Variants in FRMD4A observed in about 807,000 individuals in gnomAD.
The protein encoded by FRMD4A is FERM domain containing 4A.
FRMD4A carries 29 observed loss-of-function variants against 129.1 expected under a neutral mutation model. The observed-to-expected ratio is 0.22, with a 90% CI of 0.17 to 0.31. The LOEUF (loss-of-function observed/expected upper bound fraction) is 0.31. FRMD4A is among the 10% of genes least tolerant of loss of function. The pLI, the probability that FRMD4A is intolerant of heterozygous loss-of-function variation, is 1.00. For synonymous variants in FRMD4A, 634 were observed against 571.6 expected (o/e 1.11, Z -1.56); for missense variants, 1,272 against 1,375.8 (o/e 0.92, Z 1.19).
chr10:13,670,242 G>A (rs191681828), intron 17 of FRMD4A, among the ~76,000 whole-genome samples, 164 bp downstream of exon 17: 3 of 152,190 alleles, frequency 2.0e-5, no homozygotes, highest in African/African-American at 4.8e-5. Flanking sequence ...TCCTACCGAG[G>A]GGAACCACAT....
intron 2 of FRMD4A, among the ~76,000 whole-genome samples, chr10:14,180,666 A>G (rs548019454): frequency 6.6e-6 from 1 of 152,252 alleles, no homozygotes; most frequent in African/African-American, 2.4e-5. Flanking sequence ...GCCAATGGAT[A>G]CGATTCCTAA....
At chr10:13,804,141 C>T (rs1457404909) in intron 4 of FRMD4A, among the ~76,000 whole-genome samples, 3 of 152,272 alleles carry the variant, frequency 2.0e-5, no homozygotes, top group East Asian at 3.9e-4. Flanking sequence ...TAATGAACAC[C>T]GAATGCCGCG....
chr10:14,031,547 C>T (rs561120879), intron 2 of FRMD4A, among the ~76,000 whole-genome samples: 6 of 152,318 alleles, frequency 3.9e-5, no homozygotes, highest in African/African-American at 1.4e-4. Context: ...GGATTTTAGG[C>T]ACACCCAGCC....
intron 2 of FRMD4A, among the ~76,000 whole-genome samples, chr10:14,092,661 C>T (rs1836726816): frequency 6.6e-6 from 1 of 152,202 alleles, no homozygotes; most frequent in Admixed American, 6.5e-5. Context: ...AGGGATACAT[C>T]GTGGTGACCC....
In FRMD4A at chr10:13,884,208, TCACACA is replaced by T. The variant is rs747364370; in HGVS notation, c.46-25302_46-25297del. ...CACACACACACACTCACACACACAC[TCACACA>T]CACACACACACACACACACACACAC... On this transcript the variant is annotated intron_variant, in intron 2 of 24. Coordinates refer to ENST00000357447, the MANE Select transcript of FRMD4A (RefSeq NM_018027.5). Among the ~76,000 whole-genome samples the T allele has an allele frequency of 1.8e-3, 148 of 81,640 alleles. 2 individuals are homozygous for T. The highest frequency in any genetic ancestry group is 4.6e-3 in the South Asian group (10 of 2,170). The allele number at this position is 81,640 out of a possible 152,430, so 53.6% of individuals were successfully genotyped here. A position where few individuals can be genotyped will look rare whatever the true frequency, so the allele number is the denominator to read the frequency against.
intron 2 of FRMD4A, among the ~76,000 whole-genome samples, chr10:14,310,171 T>C (rs932192356): frequency 0.011 from 1 of 90 alleles, no homozygotes; most frequent in Non-Finnish European, 0.019. Context: ...AGCATTTTGC[T>C]CAGCCCTTCC....
At chr10:13,702,367 T>C (rs1185862150) in intron 13 of FRMD4A, among the ~76,000 whole-genome samples, 1 of 152,216 alleles carries the variant, frequency 6.6e-6, no homozygotes, top group Non-Finnish European at 1.5e-5. Flanking sequence ...CCTGGCCCTG[T>C]CTATACATTT....
intron 2 of FRMD4A, among the ~76,000 whole-genome samples, chr10:13,902,839 C>CA (rs113445035): frequency 0.012 from 1,189 of 96,870 alleles, 9 homozygotes; most frequent in Non-Finnish European, 0.013. Context: ...GATGCAGTCT[C>CA]AAAAAAAAAA....
chr10:14,297,486 A>C (rs949871406), intron 2 of FRMD4A, among the ~76,000 whole-genome samples: 3 of 152,156 alleles, frequency 2.0e-5, no homozygotes, highest in African/African-American at 7.2e-5. Context: ...TGGATGGCTC[A>C]TCATTATCAG....
At chr10:13,670,843 C>G (rs531289056) in intron 16 of FRMD4A, among the ~76,000 whole-genome samples, 3 of 152,284 alleles carry the variant, frequency 2.0e-5, no homozygotes, top group South Asian at 2.1e-4. Flanking sequence ...GTTAAGTGAA[C>G]AGATATTTCC....
chr10:13,741,988 C>G (rs2094206), intron 9 of FRMD4A, among the ~76,000 whole-genome samples: 95,604 of 152,020 alleles, frequency 0.63, 31,126 homozygotes, highest in East Asian at 0.95. Flanking sequence ...TCCTGAGTAG[C>G]TGGGATTACA....
At chr10:14,175,177 C>T (rs138775836) in intron 2 of FRMD4A, among the ~76,000 whole-genome samples, 1 of 152,326 alleles carries the variant, frequency 6.6e-6, no homozygotes. Context: ...TCTATGCCAT[C>T]ACCAAGGGGC....
intron 2 of FRMD4A, chr10:13,890,871 T>C: frequency 1.0e-6 from 1 of 985,006 alleles, no homozygotes; most frequent in Non-Finnish European, 1.2e-6. Flanking sequence ...AGCACAGCCA[T>C]CCCTTGGAAA....
At chr10:13,869,305 G>A (rs564932217) in intron 2 of FRMD4A, among the ~76,000 whole-genome samples, 1 of 152,366 alleles carries the variant, frequency 6.6e-6, no homozygotes, top group African/African-American at 2.4e-5. Context: ...ACAACAGGAA[G>A]CTCTCCTGAG....
chr10:13,869,691 T>A (rs545283367), intron 2 of FRMD4A, among the ~76,000 whole-genome samples: 1 of 152,326 alleles, frequency 6.6e-6, no homozygotes, highest in South Asian at 2.1e-4. Flanking sequence ...CTGGGTGACA[T>A]CCAACTAGCT....
intron 2 of FRMD4A, among the ~76,000 whole-genome samples, chr10:14,031,846 C>T (rs1833261052): frequency 6.6e-6 from 1 of 152,042 alleles, no homozygotes; most frequent in African/African-American, 2.4e-5. Context: ...GAAGAACCAC[C>T]ATCCATTTCA....
intron 3 of FRMD4A, among the ~76,000 whole-genome samples, chr10:13,823,421 AACAGAAAAAG>A (rs1048356275): frequency 1.3e-5 from 2 of 152,214 alleles, no homozygotes; most frequent in African/African-American, 4.8e-5. Flanking sequence ...GTAAGGAGAA[AACAGAAAAAG>A]ACAGGCAGTG....
At chr10:13,676,324 C>A (rs2083985601) in intron 15 of FRMD4A, among the ~76,000 whole-genome samples, 2 of 151,630 alleles carry the variant, frequency 1.3e-5, no homozygotes, top group Admixed American at 1.3e-4. Flanking sequence ...TGCAGTGGCA[C>A]CATCTCGGCT....
At chr10:13,975,223 GTGTA>G (rs929728204) in intron 2 of FRMD4A, among the ~76,000 whole-genome samples, 3 of 151,378 alleles carry the variant, frequency 2.0e-5, no homozygotes, top group African/African-American at 7.3e-5. Flanking sequence ...TAATGTGTGT[GTGTA>G]TGTGTGTGTG....
Sources: allele counts gnomAD v4.1 joint callset (sites outside exome capture counted in the v4.1 genomes callset), GRCh38; gene constraint gnomAD v4.1.1; transcripts MANE v1.5; gene names NCBI Gene and HGNC (gene_info 2026-07-23, HGNC 2026-07-21).